GRIN2B: variants seen among roughly 807,000 people sequenced by gnomAD.
GRIN2B encodes the protein glutamate receptor ionotropic, NMDA 2B.
In GRIN2B, 5 loss-of-function variants were observed where a neutral mutation model predicts 114.5. That is an observed-to-expected ratio of 0.04 (90% CI 0.02 to 0.09). The LOEUF is 0.09. Among genes scored for constraint, GRIN2B ranks in the 10% least tolerant of loss-of-function variants. The pLI, the probability that GRIN2B is intolerant of heterozygous loss-of-function variation, is 1.00. For synonymous variants in GRIN2B, 787 were observed against 745.1 expected, an observed-to-expected ratio of 1.06 and a Z score of -0.92; for missense variants, 1,108 against 1,943.5, an observed-to-expected ratio of 0.57 and a Z score of 8.08.
intron 5 of GRIN2B, among the ~76,000 whole-genome samples, chr12:13,632,918 A>G (rs11055556): frequency 0.077 from 11,667 of 152,308 alleles, 645 homozygotes; most frequent in South Asian, 0.14. Flanking sequence ...AATGGGCACC[A>G]GAATTGAGAC....
intron 2 of GRIN2B, among the ~76,000 whole-genome samples, chr12:13,884,903 C>T (rs1354685085): frequency 1.3e-5 from 2 of 151,998 alleles, no homozygotes; most frequent in African/African-American, 4.8e-5. Flanking sequence ...CTTGGCTGCT[C>T]AAAAAGTAGA....
rs1034024194 is a variant in GRIN2B at position 13,663,402 on chromosome 12, C to A, written c.1125+12343G>T. On this transcript the variant is annotated intron_variant, in intron 5 of 13. Transcript: ENST00000609686. ...TGGTTTATTACAGTGAAACAACACC[C>A]AAGTAGATCAAATAGCACAAGGACA... Among the ~76,000 whole-genome samples the A allele has an allele frequency of 2.0e-5, 3 of 152,204 alleles. No individual in the cohort carries two copies. In the East Asian group the frequency reaches 5.8e-4, roughly 29 times the overall value.
intron 3 of GRIN2B, among the ~76,000 whole-genome samples, chr12:13,856,002 A>G (rs148159477): frequency 3.2e-4 from 49 of 152,354 alleles, no homozygotes; most frequent in Non-Finnish European, 3.4e-4. Flanking sequence ...AGAGAGACAG[A>G]TGTGTTAACA....
intron 3 of GRIN2B, among the ~76,000 whole-genome samples, chr12:13,788,943 A>C (rs7298328): frequency 0.47 from 71,901 of 152,040 alleles, 17,771 homozygotes; most frequent in Middle Eastern, 0.58. Flanking sequence ...TGGAGATACA[A>C]AGCTCCGGCA....
chr12:13,926,634 G>T (rs1866916712), intron 2 of GRIN2B, among the ~76,000 whole-genome samples: 1 of 152,190 alleles, frequency 6.6e-6, no homozygotes, highest in Non-Finnish European at 1.5e-5. Context: ...TTTACCACCT[G>T]CCTGGCTCTG....
At chr12:13,804,156 TC>T (rs1199845232) in intron 3 of GRIN2B, among the ~76,000 whole-genome samples, 1 of 122,420 alleles carries the variant, frequency 8.2e-6, no homozygotes, top group Non-Finnish European at 2.0e-5. Context: ...TCTGCAGCTC[TC>T]TTTTTTTTTT....
intron 5 of GRIN2B, among the ~76,000 whole-genome samples, chr12:13,618,747 T>C (rs557011289): frequency 3.3e-5 from 5 of 152,348 alleles, no homozygotes; most frequent in South Asian, 2.1e-4. Context: ...TTTTACATCA[T>C]GAATCCTTAG....
chr12:13,619,561 A>C (rs147120875), intron 5 of GRIN2B, among the ~76,000 whole-genome samples: 7 of 152,288 alleles, frequency 4.6e-5, no homozygotes, highest in African/African-American at 1.4e-4. Flanking sequence ...ACTTCTACCA[A>C]GTTAGCTGGG....
intron 3 of GRIN2B, among the ~76,000 whole-genome samples, chr12:13,767,689 C>A (rs1863823189): frequency 6.6e-6 from 1 of 152,160 alleles, no homozygotes; most frequent in Non-Finnish European, 1.5e-5. Context: ...AACAGAGTTA[C>A]CAGATCATGG....
chr12:13,668,084 A>G (rs1377998804), intron 5 of GRIN2B, among the ~76,000 whole-genome samples: 1 of 152,166 alleles, frequency 6.6e-6, no homozygotes, highest in Non-Finnish European at 1.5e-5. Context: ...AAATCTCAAT[A>G]ACATTTAAAT....
chr12:13,901,958 T>C (rs1031461555), intron 2 of GRIN2B, among the ~76,000 whole-genome samples: 5 of 152,154 alleles, frequency 3.3e-5, no homozygotes, highest in African/African-American at 9.6e-5. Context: ...TTAAAAAGTC[T>C]ATCTTTTTCC....
chr12:13,640,072 C>G (rs1949700647), intron 5 of GRIN2B, among the ~76,000 whole-genome samples: 1 of 151,962 alleles, frequency 6.6e-6, no homozygotes, highest in Non-Finnish European at 1.5e-5. Flanking sequence ...AGAGGGATAC[C>G]AGGCCCTGGT....
chr12:13,865,147 G>GA (rs1281028692), intron 3 of GRIN2B, among the ~76,000 whole-genome samples: 23 of 152,170 alleles, frequency 1.5e-4, no homozygotes, highest in Admixed American at 6.5e-5. Context: ...GTATGGGGGA[G>GA]AACACGTATT....
At chr12:13,657,450 T>C (rs1949877125) in intron 5 of GRIN2B, among the ~76,000 whole-genome samples, 1 of 152,186 alleles carries the variant, frequency 6.6e-6, no homozygotes, top group African/African-American at 2.4e-5. Flanking sequence ...AGGAGGGCAG[T>C]GCTTGCTTAG....
intron 2 of GRIN2B, among the ~76,000 whole-genome samples, chr12:13,874,337 A>C (rs891537845): frequency 6.6e-6 from 1 of 152,138 alleles, no homozygotes; most frequent in African/African-American, 2.4e-5. Flanking sequence ...ACTGTCACCC[A>C]TATTCTTGAT....
At chr12:13,810,574 T>C (rs1433284174) in intron 3 of GRIN2B, among the ~76,000 whole-genome samples, 2 of 152,130 alleles carry the variant, frequency 1.3e-5, no homozygotes, top group Non-Finnish European at 2.9e-5. Context: ...AGCCTGTATA[T>C]TTTTCCAGCA....
chr12:13,955,801 C>T (rs539262337), intron 2 of GRIN2B, among the ~76,000 whole-genome samples: 1 of 152,210 alleles, frequency 6.6e-6, no homozygotes, highest in African/African-American at 2.4e-5. Flanking sequence ...AAAGAGCCAT[C>T]CCATTTAATG....
At chr12:13,695,131 G>A (rs916662754) in intron 4 of GRIN2B, among the ~76,000 whole-genome samples, 13 of 152,164 alleles carry the variant, frequency 8.5e-5, no homozygotes, top group African/African-American at 3.1e-4. Flanking sequence ...AAACTGATGT[G>A]AAAGAAGTCT....
chr12:13,902,552 G>A (rs983584700), intron 2 of GRIN2B, among the ~76,000 whole-genome samples: 2 of 152,064 alleles, frequency 1.3e-5, no homozygotes, highest in Non-Finnish European at 2.9e-5. Flanking sequence ...GGCTCATGCC[G>A]ATAATCCTAG....
Sources: gnomAD v4.1 joint callset for allele counts (sites outside exome capture counted in the v4.1 genomes callset) on GRCh38, gnomAD v4.1.1 for gene constraint, MANE v1.5 for transcripts, NCBI Gene and HGNC (gene_info 2026-07-23, HGNC 2026-07-21) for gene names.